Variants in LSM5 observed in about 807,000 individuals in gnomAD.
LSM5 encodes the protein U6 snRNA-associated Sm-like protein LSm5.
A neutral mutation model predicts 13.8 loss-of-function variants in LSM5; 8 were observed. The observed-to-expected ratio is 0.58, with a 90% CI of 0.34 to 1.04. The LOEUF (loss-of-function observed/expected upper bound fraction) is 1.04, where lower values mean the gene tolerates loss of function less well. Ranked by LOEUF, LSM5 falls within the 50% of genes least tolerant of loss-of-function variation. The pLI is 0.03. For missense variants in LSM5, 80 were observed against 108.1 expected, an observed-to-expected ratio of 0.74 and a Z score of 1.15; for synonymous variants, 35 against 37.0, an observed-to-expected ratio of 0.95 and a Z score of 0.20.
rs904086178 is a variant in LSM5, at chr7:32,486,810, A to C, written c.*451T>G. ...AATCAGAAGAAAAATCCTCATTACA[A>C]AACAACAGCATTTTAATTGAATTTT... On this transcript the variant is annotated 3_prime_UTR_variant, in exon 5 of 5. Transcript: ENST00000450169. 6 of 179,992 alleles carry C rather than the reference A, an allele frequency of 3.3e-5. No homozygotes were observed. Among genetic ancestry groups the C allele is most frequent in the African/African-American group, 1.4e-4 (6 of 41,648 alleles). The allele number at this position is 179,992 out of a possible 1,614,324, so 11.1% of individuals were successfully genotyped here. A position where few individuals can be genotyped will look rare whatever the true frequency, so the allele number is the denominator to read the frequency against.
upstream of LSM5, chr7:32,490,397 T>A (rs533152996): frequency 1.3e-6 from 2 of 1,570,318 alleles, no homozygotes; most frequent in African/African-American, 2.7e-5. Flanking sequence ...CCTTCATTGA[T>A]GGTGGGACGA....
Position 32,487,537 on chromosome 7 carries a change from A to G in LSM5, c.243+148T>C, listed in dbSNP as rs1311203421. The G allele has an allele frequency of 4.4e-6, 3 of 686,724 alleles. No individual in the cohort carries two copies. In the East Asian group the frequency reaches 8.0e-5, roughly 18 times the overall value. The allele number at this position is 686,724 out of a possible 1,614,324, so 42.5% of individuals were successfully genotyped here. A position where few individuals can be genotyped will look rare whatever the true frequency, so the allele number is the denominator to read the frequency against. ...GCCTCTTCAATAGCTGAGCTTTAGGACCCTGACCACAGAGAACCCCTTTCC... is the reference window on the plus strand; with the variant it reads ...GCCTCTTCAATAGCTGAGCTTTAGGGCCCTGACCACAGAGAACCCCTTTCC... On this transcript the variant is annotated intron_variant, in intron 4 of 4. Coordinates refer to ENST00000450169, the MANE Select transcript of LSM5 (RefSeq NM_012322.3).
chr7:32,491,255 G>T (rs1164739839), upstream of LSM5, among the ~76,000 whole-genome samples: 1 of 152,094 alleles, frequency 6.6e-6, no homozygotes, highest in Non-Finnish European at 1.5e-5. Flanking sequence ...AAATTAGCTG[G>T]GCGTGGTGGC....
At chr7:32,490,384 C>A, upstream of LSM5, 2 of 1,602,128 alleles carry the variant, frequency 1.2e-6, no homozygotes, top group Non-Finnish European at 1.7e-6. Flanking sequence ...CGGAAGTGGC[C>A]TGCCTTCATT....
rs1283207492 is a variant in LSM5 at position 32,486,321 on chromosome 7, T to C, written c.*940A>G. ...ATTTAAATTCAAAAAATGACTTAAG[T>C]GGAGGGTAAAAACAGTATAATCAGG... On this transcript the variant is annotated 3_prime_UTR_variant, in exon 5 of 5. Transcript: ENST00000450169. The C allele has an allele frequency of 6.6e-6, 1 of 152,166 alleles. No individual in the cohort carries two copies. Among genetic ancestry groups the C allele is most frequent in the Non-Finnish European group, 1.5e-5 (1 of 68,028 alleles). 9.4% of individuals were successfully genotyped at this position (152,166 alleles called of 1,614,324 possible).
At chr7:32,493,217 A>G (rs573374859), upstream of LSM5, among the ~76,000 whole-genome samples, 2 of 152,150 alleles carry the variant, frequency 1.3e-5, no homozygotes, top group Non-Finnish European at 2.9e-5. Context: ...GACTCAAGCA[A>G]TCCTCCCATC....
chr7:32,489,125 TATC>T lies in LSM5; in HGVS notation c.142+121_142+123del. ...TTTCAATACATACCTCTTAAAACAT[TATC>T]ATAAGTTCCCTGAGAATGAACTGAT... On this transcript the variant is annotated intron_variant, in intron 2 of 4. Transcript: ENST00000450169. 3 of 601,374 alleles carry T rather than the reference TATC, an allele frequency of 5.0e-6. No homozygotes were observed. In the Admixed American group the frequency reaches 1.0e-4, roughly 21 times the overall value. The allele number at this position is 601,374 out of a possible 1,614,324, so 37.3% of individuals were successfully genotyped here.
At chr7:32,490,185 T>TG (rs1786545243) in intron 1 of LSM5, 135 bp downstream of exon 1, 5 of 1,565,992 alleles carry the variant, frequency 3.2e-6, no homozygotes, top group Non-Finnish European at 4.3e-6. Flanking sequence ...CGCGAAGACT[T>TG]GGAGCTCAGA....
chr7:32,489,825 T>C (rs1786533507), intron 1 of LSM5, among the ~76,000 whole-genome samples: 1 of 152,192 alleles, frequency 6.6e-6, no homozygotes, highest in South Asian at 2.1e-4. Context: ...CATTGAAAAA[T>C]GCCCAGGCAC....
upstream of LSM5, among the ~76,000 whole-genome samples, chr7:32,492,533 C>A (rs1291232977): frequency 1.4e-3 from 141 of 102,754 alleles, 1 homozygote; most frequent in African/African-American, 4.0e-3. Context: ...ACAACAACAA[C>A]AAAAAAAAAA....
chr7:32,494,181 C>T (rs1329188163), upstream of LSM5, among the ~76,000 whole-genome samples: 1 of 152,128 alleles, frequency 6.6e-6, no homozygotes, highest in African/African-American at 2.4e-5. Context: ...TAATTTTAGC[C>T]ATGCCAATTG....
chr7:32,488,408 C>T lies in LSM5; in HGVS notation c.170+217G>A. On this transcript the variant is annotated intron_variant, in intron 3 of 4. Transcript: ENST00000450169. ...CCTGGCTCTTTTTGTTATCTTCTAC[C>T]TTAAAACTGTGTCTCCACTAATATT... is the stretch of plus-strand genomic sequence containing the variant. 4 of 473,788 alleles carry T rather than the reference C, an allele frequency of 8.4e-6. No homozygotes were observed. The South Asian group carries it at 1.2e-4, about 15-fold the overall frequency. The allele number at this position is 473,788 out of a possible 1,614,324, so 29.3% of individuals were successfully genotyped here. A position where few individuals can be genotyped will look rare whatever the true frequency, so the allele number is the denominator to read the frequency against.
At chr7:32,494,647 A>T (rs950434678), upstream of LSM5, among the ~76,000 whole-genome samples, 1 of 152,242 alleles carries the variant, frequency 6.6e-6, no homozygotes, top group Admixed American at 6.5e-5. Flanking sequence ...CTTTAAATTG[A>T]CATGAGATTC....
At chr7:32,488,843 C>T (rs1263533174) in intron 2 of LSM5, among the ~76,000 whole-genome samples, 191 bp from the exon 3 acceptor site, 2 of 152,220 alleles carry the variant, frequency 1.3e-5, no homozygotes, top group African/African-American at 2.4e-5. Context: ...CCTGCCTTAG[C>T]CCCGGAGATT....
At chr7:32,491,483 A>C (rs537669040), upstream of LSM5, among the ~76,000 whole-genome samples, 1 of 151,990 alleles carries the variant, frequency 6.6e-6, no homozygotes, top group East Asian at 1.9e-4. Flanking sequence ...GTCATTAAGC[A>C]CCCATCATTC....
At chr7:32,487,861 A>G in intron 3 of LSM5, 104 bp from the exon 4 acceptor site, 2 of 656,458 alleles carry the variant, frequency 3.0e-6, no homozygotes, top group South Asian at 3.2e-5. Context: ...TATACAAATT[A>G]CACTGAGGTT....
At chr7:32,489,986 G>A in intron 1 of LSM5, 3 of 1,258,656 alleles carry the variant, frequency 2.4e-6, no homozygotes, top group Non-Finnish European at 3.1e-6. Context: ...TATCTAATCT[G>A]GGGATCGTAA....
upstream of LSM5, among the ~76,000 whole-genome samples, chr7:32,493,309 G>C (rs964774290): frequency 2.6e-5 from 4 of 152,044 alleles, no homozygotes; most frequent in African/African-American, 9.7e-5. Flanking sequence ...GTAGAGATGA[G>C]GTCTCATTAC....
chr7:32,493,539 TC>T, upstream of LSM5, among the ~76,000 whole-genome samples: 1 of 105,270 alleles, frequency 9.5e-6, no homozygotes, highest in Non-Finnish European at 2.4e-5. Context: ...TCTCTCTCTC[TC>T]CCTTTCTTTA....
Sources: gnomAD v4.1 joint callset for allele counts (sites outside exome capture counted in the v4.1 genomes callset) on GRCh38, gnomAD v4.1.1 for gene constraint, MANE v1.5 for transcripts, NCBI Gene and HGNC (gene_info 2026-07-23, HGNC 2026-07-21) for gene names.